The following NSUN2 variants were observed in gnomAD, a reference collection of about 807,000 sequenced individuals.
NSUN2 encodes RNA cytosine C(5)-methyltransferase NSUN2.
A neutral mutation model predicts 92.7 loss-of-function variants in NSUN2; 63 were observed. The observed-to-expected ratio is 0.68, with a 90% confidence interval of 0.56 to 0.84. NSUN2 has a LOEUF of 0.84. Among genes scored for constraint, NSUN2 ranks in the 40% least tolerant of loss-of-function variants. The probability of loss-of-function intolerance (pLI) is 0.00; values close to 1 mark genes in which losing one functional copy is unlikely to be tolerated. For synonymous variants in NSUN2, 356 were observed against 348.3 expected, an observed-to-expected ratio of 1.02 and a Z score of -0.25; for missense variants, 989 against 964.9, an observed-to-expected ratio of 1.02 and a Z score of -0.33.
chr5:6,607,087 A>G, intron 13 of NSUN2, 113 bp downstream of exon 13: 2 of 1,122,354 alleles, frequency 1.8e-6, no homozygotes, highest in Non-Finnish European at 1.3e-6. Context: ...GCCTGATACC[A>G]CACATGTACT....
Position 6,611,043 on chromosome 5 carries a change from C to T in NSUN2, c.1138G>A (p.Val380Ile), listed in dbSNP as rs777890192. The T allele has an allele frequency of 6.2e-7, 1 of 1,614,156 alleles. No individual in the cohort carries two copies. Among genetic ancestry groups the T allele is most frequent in the Admixed American group, 1.7e-5 (1 of 60,006 alleles). The change falls in exon 11 of 19, where the codon GTT becomes ATT. Residue 380 changes from valine (V) to isoleucine (I), a missense_variant. By Grantham distance (29) the Val-to-Ile change is conservative. Around this residue, in one of 3 missense-constraint regions of NSUN2, gnomAD observed 626 missense variants for 602.3 expected, o/e 1.04. Transcript: ENST00000264670. Reference sequence around the variant, plus strand: ...ATCTGGGTGTGTCTGCTGTGAGGAACAGCGTCCCAGTCTGTAAACCACTGC... The same window carrying T: ...ATCTGGGTGTGTCTGCTGTGAGGAATAGCGTCCCAGTCTGTAAACCACTGC... ...DGQWFTDWDA[V>I]PHSRHTQIRP...
intron 3 of NSUN2, among the ~76,000 whole-genome samples, chr5:6,628,019 A>T (rs1737721736): frequency 6.6e-6 from 1 of 152,210 alleles, no homozygotes; most frequent in Non-Finnish European, 1.5e-5. Context: ...TATATACAAC[A>T]TCTATGACAA....
In NSUN2 at chr5:6,620,127, A is replaced by G. The variant is rs1171315721; in HGVS notation, c.794T>C (p.Ile265Thr). 2 of 1,599,660 alleles carry G rather than the reference A, an allele frequency of 1.3e-6. No homozygotes were observed. Among genetic ancestry groups the G allele is most frequent in the Non-Finnish European group, 1.7e-6 (2 of 1,174,952 alleles). The change falls in exon 7 of 19, where the codon ATT becomes ACT. Residue 265 changes from isoleucine (I) to threonine (T), a missense_variant. Physicochemically the swap from Ile to Thr is moderately conservative, Grantham distance 89 (BLOSUM62 -1). Around this residue, in one of 3 missense-constraint regions of NSUN2, gnomAD observed 7 missense variants for 24.1 expected, o/e 0.29. Coordinates refer to ENST00000264670, the MANE Select transcript of NSUN2 (RefSeq NM_017755.6). ...GRKEILFYDR[I>T]LCDVPCSGDG... ...ATACCTGCAAGGGACATCACATAAA[A>G]TTCGATCATAGAAGAGGATCTCTTT...
At chr5:6,602,552 T>C (rs1370970263) in intron 17 of NSUN2, 52 bp from the exon 18 acceptor site, 2 of 1,519,766 alleles carry the variant, frequency 1.3e-6, no homozygotes, top group Non-Finnish European at 1.8e-6. Flanking sequence ...AGTGGATGCA[T>C]GCGCTGAGCA....
At chr5:6,608,042 A>T (rs1736850801) in intron 12 of NSUN2, among the ~76,000 whole-genome samples, 2 of 152,266 alleles carry the variant, frequency 1.3e-5, no homozygotes, top group Non-Finnish European at 2.9e-5. Context: ...CTCAGTCCCT[A>T]TGAAGTAAGT....
chr5:6,611,447 T>TAAAAAAAAAAAAAAA (rs1255770029), intron 10 of NSUN2, among the ~76,000 whole-genome samples: 1 of 26,252 alleles, frequency 3.8e-5, no homozygotes, highest in African/African-American at 1.5e-4. Context: ...CCGGCCCAAT[T>TAAAAAAAAAAAAAAA]TAAAAAAAAA....
chr5:6,626,787 T>C (rs1023839406), intron 3 of NSUN2, among the ~76,000 whole-genome samples: 4 of 152,230 alleles, frequency 2.6e-5, no homozygotes, highest in African/African-American at 9.7e-5. Context: ...AATCTTAGTG[T>C]AGTTTCAGCA....
At chr5:6,628,925 G>C (rs1737762440) in intron 3 of NSUN2, among the ~76,000 whole-genome samples, 1 of 152,076 alleles carries the variant, frequency 6.6e-6, no homozygotes, top group African/African-American at 2.4e-5. Flanking sequence ...TGCACCTGTA[G>C]TCCGAGCTAC....
intron 4 of NSUN2, among the ~76,000 whole-genome samples, chr5:6,623,662 A>T (rs1379368455): frequency 6.6e-6 from 1 of 152,244 alleles, no homozygotes; most frequent in African/African-American, 2.4e-5. Context: ...CTTAGGACAG[A>T]AAGTGACTGT....
chr5:6,627,571 G>A (rs1030067077), intron 3 of NSUN2, among the ~76,000 whole-genome samples: 3 of 152,028 alleles, frequency 2.0e-5, no homozygotes, highest in South Asian at 2.1e-4. Context: ...AAATGTAAAC[G>A]TACTATTACA....
chr5:6,604,542 A>T (rs1056478908), intron 16 of NSUN2, 63 bp downstream of exon 16: 1 of 1,449,010 alleles, frequency 6.9e-7, no homozygotes, highest in Non-Finnish European at 9.7e-7. Flanking sequence ...CAGCAAGCCC[A>T]TCTACTCCCG....
intron 17 of NSUN2, among the ~76,000 whole-genome samples, chr5:6,603,114 C>G (rs544724243): frequency 2.2e-4 from 33 of 151,940 alleles, no homozygotes; most frequent in African/African-American, 7.7e-4. Context: ...CAAATTGAGC[C>G]AAAAATATTA....
chr5:6,619,289 G>A (rs971740847), intron 7 of NSUN2, among the ~76,000 whole-genome samples: 5 of 152,106 alleles, frequency 3.3e-5, no homozygotes, highest in African/African-American at 1.2e-4. Flanking sequence ...ACTGAGTTTT[G>A]CCATGAGCAG....
At chr5:6,629,064 C>T (rs1429687655) in intron 3 of NSUN2, among the ~76,000 whole-genome samples, 1 of 152,022 alleles carries the variant, frequency 6.6e-6, no homozygotes, top group Non-Finnish European at 1.5e-5. Context: ...TATAGAGAAA[C>T]CATCATTGAT....
At chr5:6,612,283 G>A (rs188327179) in intron 9 of NSUN2, among the ~76,000 whole-genome samples, 13 of 152,300 alleles carry the variant, frequency 8.5e-5, no homozygotes, top group African/African-American at 3.1e-4. Context: ...ATGCACACCA[G>A]GGCGATGCTG....
At chr5:6,611,918 G>A in intron 9 of NSUN2, 120 bp from the exon 10 acceptor site, 1 of 868,150 alleles carries the variant, frequency 1.2e-6, no homozygotes, top group East Asian at 2.7e-5. Context: ...AAAATGTCCA[G>A]GGAAGGCAAA....
chr5:6,625,479 T>C, intron 4 of NSUN2, 85 bp downstream of exon 4: 1 of 957,576 alleles, frequency 1.0e-6, no homozygotes. Flanking sequence ...CTGCTTCTAG[T>C]GACAAGAACC....
chr5:6,604,143 T>C lies in NSUN2; in HGVS notation c.1952A>G (p.Asp651Gly). 1 of 1,613,264 alleles carries C rather than the reference T, an allele frequency of 6.2e-7. No homozygotes were observed. The highest frequency in any genetic ancestry group is 8.5e-7 in the Non-Finnish European group (1 of 1,179,686). ...LSSETYSQAK[D>G]LAKGSIVLKY... ...ATGCATTTCCAACTACTCACCCAGG[T>C]CCTTTGCTTGACTGTAGGTCTCACT... Residue 651 changes from aspartate to glycine, a missense_variant, in exon 17 of 19, where the codon GAC becomes GGC. By Grantham distance (94) the Asp-to-Gly change is moderately conservative (BLOSUM62 -1). Coordinates refer to ENST00000264670, the MANE Select transcript of NSUN2 (RefSeq NM_017755.6).
Position 6,604,131 on chromosome 5 carries a change from T to C in NSUN2, c.1957+7A>G, listed in dbSNP as rs749618719. Reference sequence around the variant, plus strand: ...AGTTATGTCTCTATGCATTTCCAACTACTCACCCAGGTCCTTTGCTTGACT... The same window carrying C: ...AGTTATGTCTCTATGCATTTCCAACCACTCACCCAGGTCCTTTGCTTGACT... On this transcript the variant is annotated splice_region_variant and intron_variant, in intron 17 of 18. Coordinates refer to ENST00000264670, the MANE Select transcript of NSUN2 (RefSeq NM_017755.6). The C allele has an allele frequency of 1.2e-6, 2 of 1,611,024 alleles. No individual in the cohort carries two copies. The highest frequency in any genetic ancestry group is 3.4e-5 in the Admixed American group (2 of 59,442).
Sources: allele counts gnomAD v4.1 joint callset (sites outside exome capture counted in the v4.1 genomes callset), GRCh38; gene constraint gnomAD v4.1.1; regional missense constraint gnomAD v4.1.1; transcripts MANE v1.5; gene names NCBI Gene and HGNC (gene_info 2026-07-23, HGNC 2026-07-21).